ZBBX: variants seen among roughly 807,000 people sequenced by gnomAD.
ZBBX encodes the protein zinc finger B-box domain-containing protein 1.
Under a neutral mutation model 108.5 loss-of-function variants are expected in ZBBX, and 101 were observed. The observed-to-expected ratio is 0.93, with a 90% CI of 0.79 to 1.10. The LOEUF is 1.10. Among genes scored for constraint, ZBBX ranks in the 50% least tolerant of loss-of-function variants. The pLI is 0.00. For synonymous variants in ZBBX, 356 were observed against 323.4 expected (o/e 1.10, Z -1.08); for missense variants, 1,009 against 941.4 (o/e 1.07, Z -0.94).
At chr3:167,286,931 C>T (rs1422755245) in intron 19 of ZBBX, among the ~76,000 whole-genome samples, 2 of 152,120 alleles carry the variant, frequency 1.3e-5, no homozygotes, top group Admixed American at 6.6e-5. Context: ...TAACTTGTGA[C>T]AGAGCCAGGC....
At chr3:167,316,198 G>C (rs1735424069) in intron 14 of ZBBX, among the ~76,000 whole-genome samples, 1 of 152,086 alleles carries the variant, frequency 6.6e-6, no homozygotes, top group Non-Finnish European at 1.5e-5. Flanking sequence ...TGTATGTAGT[G>C]TGTGTGTTTT....
chr3:167,217,660 C>T, the ZBBX span, among the ~76,000 whole-genome samples: 4 of 152,028 alleles, frequency 2.6e-5, no homozygotes, highest in Non-Finnish European at 4.4e-5. Flanking sequence ...CACACATGCA[C>T]GTGAATGTTC....
chr3:167,340,780 T>C (rs944862816), intron 9 of ZBBX, among the ~76,000 whole-genome samples: 1 of 151,522 alleles, frequency 6.6e-6, no homozygotes, highest in African/African-American at 2.4e-5. Flanking sequence ...AATTTGTATA[T>C]AGAAGACAAC....
intron 8 of ZBBX, 32 bp downstream of exon 8, chr3:167,359,838 G>C: frequency 9.0e-7 from 1 of 1,113,668 alleles, no homozygotes; most frequent in South Asian, 1.9e-5. Context: ...CTACTATACA[G>C]TATATGTATA....
the ZBBX span, among the ~76,000 whole-genome samples, chr3:167,220,944 C>T: frequency 6.6e-6 from 1 of 151,656 alleles, no homozygotes; most frequent in Non-Finnish European, 1.5e-5. Context: ...AAAAAGAAAT[C>T]AAGAAAGTAA....
the ZBBX span, among the ~76,000 whole-genome samples, chr3:167,203,156 T>C: frequency 2.0e-5 from 3 of 152,036 alleles, no homozygotes; most frequent in Non-Finnish European, 4.4e-5. Flanking sequence ...AAGATTAAAG[T>C]GTTGGCAGGC....
chr3:167,267,089 T>C (rs1725650313), intron 20 of ZBBX, among the ~76,000 whole-genome samples: 1 of 152,162 alleles, frequency 6.6e-6, no homozygotes, highest in Admixed American at 6.5e-5. Context: ...CCTTGGAAGT[T>C]GAAAGTGTGT....
At chr3:167,351,784 A>C (rs1403384415) in intron 8 of ZBBX, among the ~76,000 whole-genome samples, 1 of 152,146 alleles carries the variant, frequency 6.6e-6, no homozygotes, top group Non-Finnish European at 1.5e-5. Flanking sequence ...TCCTGTCTGC[A>C]GGGCTGGGGA....
intron 16 of ZBBX, among the ~76,000 whole-genome samples, chr3:167,309,138 G>A (rs1471366029): frequency 1.3e-5 from 2 of 152,146 alleles, no homozygotes; most frequent in African/African-American, 4.8e-5. Flanking sequence ...TATTACTGCA[G>A]AGCCACCTCT....
intron 20 of ZBBX, among the ~76,000 whole-genome samples, chr3:167,272,674 G>A (rs188514046): frequency 5.9e-5 from 9 of 152,132 alleles, no homozygotes; most frequent in South Asian, 2.1e-4. Context: ...TACATTTGAC[G>A]CTTGTCTAGT....
At chr3:167,309,904 C>A (rs778369661) in intron 16 of ZBBX, among the ~76,000 whole-genome samples, 6 of 152,192 alleles carry the variant, frequency 3.9e-5, no homozygotes, top group Non-Finnish European at 8.8e-5. Context: ...GGTCAGGCTG[C>A]AAATTTTCCA....
intron 10 of ZBBX, among the ~76,000 whole-genome samples, chr3:167,328,477 C>CAA (rs11441311): frequency 7.9e-5 from 12 of 151,598 alleles, no homozygotes; most frequent in East Asian, 2.0e-4. Context: ...CTTCTCATAT[C>CAA]AAAAAAACAG....
At chr3:167,244,061 AT>A (rs1224375260) in intron 20 of ZBBX, among the ~76,000 whole-genome samples, 1 of 152,066 alleles carries the variant, frequency 6.6e-6, no homozygotes, top group Non-Finnish European at 1.5e-5. Flanking sequence ...TTTAGTTAAA[AT>A]TTTTTAAACC....
intron 1 of ZBBX, among the ~76,000 whole-genome samples, chr3:167,388,270 A>G (rs1447722681): frequency 6.6e-6 from 1 of 151,892 alleles, no homozygotes; most frequent in African/African-American, 2.4e-5. Flanking sequence ...TGTGGTTTAA[A>G]TGTGGTGAAA....
At chr3:167,400,024 C>A (rs1322897790) in intron 1 of ZBBX, among the ~76,000 whole-genome samples, 2 of 152,154 alleles carry the variant, frequency 1.3e-5, no homozygotes, top group Admixed American at 6.5e-5. Context: ...CATGTTGCTG[C>A]AGAGGAAATG....
intron 2 of ZBBX, among the ~76,000 whole-genome samples, chr3:167,375,267 T>C (rs898246084): frequency 1.3e-5 from 2 of 152,172 alleles, no homozygotes; most frequent in African/African-American, 4.8e-5. Context: ...TGAAAACATT[T>C]TTGGGACGCC....
intron 1 of ZBBX, among the ~76,000 whole-genome samples, chr3:167,385,735 C>T (rs1747891817): frequency 2.0e-5 from 3 of 151,980 alleles, no homozygotes; most frequent in Admixed American, 2.0e-4. Context: ...CCAAGCCCTA[C>T]ACAGAGTCAG....
In ZBBX at chr3:167,242,534, C is replaced by T. The variant is rs768185206; in HGVS notation, c.2364G>A (p.Val788=). The change falls in exon 21 of 22, where the codon GTG becomes GTA. Residue 788 remains valine, a synonymous_variant. Coordinates refer to ENST00000675490, the MANE Select transcript of ZBBX (RefSeq NM_001199201.2). ...ATTCCTCAACTCCACAGGGACCCCT[C>T]ACATGTGAGGTCTTAAGGAAATCTG... ...ISTDFLKTSH[V]RGPCGVEELS... The T allele has an allele frequency of 6.2e-7, 1 of 1,612,812 alleles. No individual in the cohort carries two copies. The highest frequency in any genetic ancestry group is 8.5e-7 in the Non-Finnish European group (1 of 1,179,426).
the ZBBX span, among the ~76,000 whole-genome samples, chr3:167,198,022 G>C: frequency 6.6e-6 from 1 of 152,166 alleles, no homozygotes; most frequent in African/African-American, 2.4e-5. Flanking sequence ...CAACAATGAA[G>C]AAATTATTTC....
Sources: gnomAD v4.1 joint callset for allele counts (sites outside exome capture counted in the v4.1 genomes callset) on GRCh38, gnomAD v4.1.1 for gene constraint, MANE v1.5 for transcripts, NCBI Gene and HGNC (gene_info 2026-07-23, HGNC 2026-07-21) for gene names.